The following PLEKHH1 variants were observed in gnomAD, a reference collection of about 807,000 sequenced individuals.
PLEKHH1 encodes pleckstrin homology domain-containing family H member 1.
Under a neutral mutation model 160.0 loss-of-function variants are expected in PLEKHH1, and 104 were observed. The observed-to-expected ratio is 0.65, with a 90% confidence interval of 0.55 to 0.76. The LOEUF is 0.76. Among genes scored for constraint, PLEKHH1 ranks in the 30% least tolerant of loss-of-function variants. The pLI is 0.00. For synonymous variants in PLEKHH1, 619 were observed against 678.4 expected (o/e 0.91, Z 1.36); for missense variants, 1,427 against 1,724.1 (o/e 0.83, Z 3.05).
rs761650845 is a variant in PLEKHH1, at chr14:67,562,495, T to C, written c.864T>C (p.Thr288=). Residue 288 remains threonine, a synonymous_variant, in exon 7 of 29, where the codon ACT becomes ACC. Coordinates refer to ENST00000329153, the MANE Select transcript of PLEKHH1 (RefSeq NM_020715.3). ...SSASWGEGLV[T]AQRGMLPGTK... is the part of the protein sequence containing the mutation. ...CTTCCTGGGGTGAGGGTCTGGTTAC[T>C]GCTCAGAGAGGGATGCTCCCTGGGA... 3 of 1,612,610 alleles carry C rather than the reference T, an allele frequency of 1.9e-6. No individual in the cohort carries two copies. Among genetic ancestry groups the C allele is most frequent in the Non-Finnish European group, 2.5e-6 (3 of 1,178,752 alleles).
Position 67,562,332 on chromosome 14 carries a change from G to A in PLEKHH1, c.701G>A (p.Ser234Asn). The stretch of plus-strand genomic sequence containing the variant: ...AAGGACTCTGTTTCTGAAGCAGCAA[G>A]CCCCTTGGAGGATTCTAGTTCCAGC... The part of the protein sequence containing the change: ...QSKDSVSEAA[S>N]PLEDSSSSTV... Residue 234 changes from serine to asparagine, a missense_variant, in exon 7 of 29, where the codon AGC (serine) becomes AAC (asparagine). Physicochemically the swap from Ser to Asn is conservative, Grantham distance 46. This residue lies in a region of PLEKHH1 where 831 missense variants were observed against 929.2 expected (regional missense o/e 0.89). Coordinates refer to ENST00000329153, the MANE Select transcript of PLEKHH1 (RefSeq NM_020715.3). 6.2e-7 allele frequency: 1 copy of A among 1,613,950 alleles called. No individual in the cohort carries two copies. The highest frequency in any genetic ancestry group is 1.1e-5 in the South Asian group (1 of 91,084).
intron 2 of PLEKHH1, among the ~76,000 whole-genome samples, chr14:67,545,631 T>A (rs116490868): frequency 6.6e-6 from 1 of 152,212 alleles, no homozygotes; most frequent in Non-Finnish European, 1.5e-5. Flanking sequence ...CATTGATGTA[T>A]GAAAATTTGG....
chr14:67,576,382 C>A lies in PLEKHH1; in HGVS notation c.2353-13C>A. 1 of 1,528,566 alleles carries A rather than the reference C, an allele frequency of 6.5e-7. No homozygotes were observed. Among genetic ancestry groups the A allele is most frequent in the Admixed American group, 1.7e-5 (1 of 59,106 alleles). The allele number at this position is 1,528,566 out of a possible 1,614,324, so 94.7% of individuals were successfully genotyped here. The stretch of plus-strand genomic sequence containing the variant: ...ACCCCGTCCCCATCCGATGGCTTTC[C>A]GCCCTCTTCCAGGATACGTGGCTCT... On this transcript the variant is annotated splice_polypyrimidine_tract_variant and intron_variant, in intron 16 of 28. Coordinates refer to ENST00000329153, the MANE Select transcript of PLEKHH1 (RefSeq NM_020715.3). The surrounding 1 kb of genome is among the most constrained non-coding windows in gnomAD (Gnocchi z 4.0).
In PLEKHH1 at chr14:67,581,032, A is replaced by G. The variant is rs772901571; in HGVS notation, c.3278A>G (p.Lys1093Arg). 6.2e-7 allele frequency: 1 copy of G among 1,605,944 alleles called. No individual in the cohort carries two copies. Among genetic ancestry groups the G allele is most frequent in the African/African-American group, 1.3e-5 (1 of 74,754 alleles). Residue 1093 changes from lysine to arginine, a missense_variant, in exon 23 of 29, where the codon AAG (lysine) becomes AGG (arginine). Around this residue, in one of 6 missense-constraint regions of PLEKHH1, gnomAD observed 436 missense variants for 607.5 expected, o/e 0.72. Transcript: ENST00000329153. ...ACACGCGTCGTGAAGCTGATGTACA[A>G]GAACAGGTCCTAAGCACTGCACGAG... ...GGTRVVKLMY[K>R]NRLYFRSQVK...
rs780420441 is a variant in PLEKHH1, at chr14:67,587,170, G to A, written c.4030G>A (p.Glu1344Lys). 7.4e-6 allele frequency: 12 copies of A among 1,613,818 alleles called. No homozygotes were observed. Among genetic ancestry groups the A allele is most frequent in the Non-Finnish European group, 1.0e-5 (12 of 1,179,872 alleles). ...TNPPGACQLW[E>K]LDGRQFFSSV... is the part of the protein sequence containing the mutation. ...CCCACCCGGAGCCTGCCAGCTGTGG[G>A]AACTGGATGGACGACAGTTCTTTTC... Residue 1344 changes from glutamate (E) to lysine (K), a missense_variant, in exon 29 of 29, where the codon GAA becomes AAA. By Grantham distance (56) the Glu-to-Lys change is moderately conservative (BLOSUM62 1). Coordinates refer to ENST00000329153, the MANE Select transcript of PLEKHH1 (RefSeq NM_020715.3).
At chr14:67,534,842 C>T (rs1182144558) in intron 1 of PLEKHH1, among the ~76,000 whole-genome samples, 9 of 151,518 alleles carry the variant, frequency 5.9e-5, no homozygotes, top group African/African-American at 2.2e-4. Flanking sequence ...CATCATTTAC[C>T]CCTAAATTCC....
At chr14:67,559,782 G>A in intron 5 of PLEKHH1, 91 bp downstream of exon 5, 4 of 805,918 alleles carry the variant, frequency 5.0e-6, no homozygotes, top group South Asian at 2.9e-5. Context: ...TGTCTAGGGT[G>A]CCTCGGCTGA....
Position 67,537,869 on chromosome 14 carries a change from T to C in PLEKHH1, c.-34-3965T>C, listed in dbSNP as rs957575247. On this transcript the variant is annotated intron_variant, in intron 1 of 28. Coordinates refer to ENST00000329153, the MANE Select transcript of PLEKHH1 (RefSeq NM_020715.3). ...TGGGGCATATCCCCACTGACTGCTGTGGCATTTCAGTCCCGGGTGTTGGAG... is the reference window on the plus strand; with the variant it reads ...TGGGGCATATCCCCACTGACTGCTGCGGCATTTCAGTCCCGGGTGTTGGAG... Among the ~76,000 whole-genome samples the C allele has an allele frequency of 2.0e-5, 3 of 152,256 alleles. No individual in the cohort carries two copies. The East Asian group carries it at 5.8e-4, about 29-fold the overall frequency.
chr14:67,564,092 G>C (rs950990200), intron 7 of PLEKHH1, among the ~76,000 whole-genome samples: 7 of 151,656 alleles, frequency 4.6e-5, no homozygotes, highest in Admixed American at 3.9e-4. Context: ...TAGTAGAGAC[G>C]GGGTTTCACC....
chr14:67,567,133 A>G (rs1305934257), intron 7 of PLEKHH1, among the ~76,000 whole-genome samples: 1 of 148,376 alleles, frequency 6.7e-6, no homozygotes, highest in Non-Finnish European at 1.5e-5. Context: ...CTGAGGCATG[A>G]TCACTCGTGT....
rs769903014 is a variant in PLEKHH1, at chr14:67,570,020, A to G, written c.1434+8A>G. On this transcript the variant is annotated splice_region_variant and intron_variant, in intron 9 of 28. Coordinates refer to ENST00000329153, the MANE Select transcript of PLEKHH1 (RefSeq NM_020715.3). ...TACACAGCACTGAAGGGGGTAAGAA[A>G]CTGCTGCACAAAGAGGGGGTGTCTC... 2.6e-6 allele frequency: 4 copies of G among 1,545,412 alleles called. No homozygotes were observed. Among genetic ancestry groups the G allele is most frequent in the Non-Finnish European group, 2.7e-6 (3 of 1,124,634 alleles).
intron 5 of PLEKHH1, among the ~76,000 whole-genome samples, chr14:67,560,247 G>T (rs1169670897): frequency 6.6e-6 from 1 of 151,992 alleles, no homozygotes; most frequent in Non-Finnish European, 1.5e-5. Context: ...GGCTGGTCTC[G>T]AACTCCTGAC....
intron 2 of PLEKHH1, among the ~76,000 whole-genome samples, chr14:67,552,855 G>A (rs1199085603): frequency 2.6e-5 from 4 of 152,062 alleles, no homozygotes; most frequent in South Asian, 2.1e-4. Context: ...ACCCAGGGCT[G>A]GGAGGATACC....
chr14:67,559,832 A>G (rs1468459299), intron 5 of PLEKHH1, 141 bp downstream of exon 5: 3 of 628,834 alleles, frequency 4.8e-6, no homozygotes, highest in Non-Finnish European at 8.8e-6. Context: ...TTCAGCCTCC[A>G]TGCTGAGACA....
rs1460126955 is a variant in PLEKHH1, at chr14:67,572,096, G to A, written c.1586-39G>A. On this transcript the variant is annotated intron_variant, in intron 10 of 28. Coordinates refer to ENST00000329153, the MANE Select transcript of PLEKHH1 (RefSeq NM_020715.3). ...CTCCTGGGCTGCGTGAGTCGGGGAG[G>A]TGTGGGACCCGGGCCTTGACTCCTC... 3.8e-6 allele frequency: 6 copies of A among 1,586,018 alleles called. No individual in the cohort carries two copies. In the East Asian group the frequency reaches 1.4e-4, roughly 36 times the overall value.
chr14:67,539,595 T>C (rs1174945765), intron 1 of PLEKHH1, among the ~76,000 whole-genome samples: 1 of 152,228 alleles, frequency 6.6e-6, no homozygotes, highest in African/African-American at 2.4e-5. Context: ...TTCATCCTTG[T>C]GCTAAGGCTT....
chr14:67,534,328 CA>C (rs1453562322), intron 1 of PLEKHH1, among the ~76,000 whole-genome samples: 1 of 152,108 alleles, frequency 6.6e-6, no homozygotes, highest in Admixed American at 6.5e-5. Flanking sequence ...CCTGTAATCC[CA>C]GCACTTTGGG....
rs201463836 is a variant in PLEKHH1 at position 67,555,820 on chromosome 14, A to C, written c.127-5A>C. 2.7e-5 allele frequency: 44 copies of C among 1,613,126 alleles called. 2 individuals carry two copies. The South Asian group carries it at 4.7e-4, about 17-fold the overall frequency. On this transcript the variant is annotated splice_region_variant and splice_polypyrimidine_tract_variant and intron_variant, in intron 2 of 28. Coordinates refer to ENST00000329153, the MANE Select transcript of PLEKHH1 (RefSeq NM_020715.3). ...TACATCTCCCCTTTCTCTCTGGCCA[A>C]GCAGATGCAGGAGCTGGAGCAGAGG...
intron 1 of PLEKHH1, among the ~76,000 whole-genome samples, chr14:67,536,050 G>A (rs766320327): frequency 5.3e-5 from 8 of 152,216 alleles, no homozygotes; most frequent in Non-Finnish European, 8.8e-5. Context: ...CAGTGCCAGA[G>A]CATGGGATCT....
Sources: allele counts gnomAD v4.1 joint callset (sites outside exome capture counted in the v4.1 genomes callset), GRCh38; gene constraint gnomAD v4.1.1; regional missense constraint gnomAD v4.1.1; non-coding constraint Gnocchi (gnomAD v3.1); transcripts MANE v1.5; gene names NCBI Gene and HGNC (gene_info 2026-07-23, HGNC 2026-07-21).